The following SLC36A1 variants were observed in gnomAD, a reference collection of about 807,000 sequenced individuals.
The protein encoded by SLC36A1 is proton-coupled amino acid transporter 1.
In SLC36A1, 30 loss-of-function variants were observed where a neutral mutation model predicts 47.5. The ratio of observed to expected loss-of-function variants is 0.63; its 90% confidence interval spans 0.47 to 0.86. The LOEUF (loss-of-function observed/expected upper bound fraction) is 0.86. SLC36A1 is among the 40% of genes least tolerant of loss of function. The pLI is 0.00. For synonymous variants in SLC36A1, 255 were observed against 249.7 expected (o/e 1.02, Z -0.20); for missense variants, 517 against 606.0 (o/e 0.85, Z 1.54).
At chr5:151,388,310 G>C in the SLC36A1 span, among the ~76,000 whole-genome samples, 1 of 151,792 alleles carries the variant, frequency 6.6e-6, no homozygotes, top group African/African-American at 2.4e-5. Flanking sequence ...AAGACCAGAC[G>C]GTCCAACATG....
At chr5:151,363,087 T>A in the SLC36A1 span, among the ~76,000 whole-genome samples, 1 of 152,334 alleles carries the variant, frequency 6.6e-6, no homozygotes, top group East Asian at 1.9e-4. Flanking sequence ...TGCTTAGAGA[T>A]TCTTTGTTAT....
In SLC36A1 at chr5:151,492,234, C is replaced by T. The variant is rs1175; in HGVS notation, c.*3980C>T. 0.17 allele frequency: 25,958 copies of T among 152,168 alleles called. 2,331 individuals are homozygous for T. Among genetic ancestry groups the T allele is most frequent in the Non-Finnish European group, 0.21 (14,091 of 68,006 alleles). The allele number at this position is 152,168 out of a possible 1,614,324, so 9.4% of individuals were successfully genotyped here. Reference sequence around the variant, plus strand: ...TAACTAGACAGTACTGTGTATGTTACGTGCCTGTGTGGATGTGCACTTCCA... The same window carrying T: ...TAACTAGACAGTACTGTGTATGTTATGTGCCTGTGTGGATGTGCACTTCCA... On this transcript the variant is annotated 3_prime_UTR_variant, in exon 11 of 11. Transcript: ENST00000243389.
At chr5:151,424,759 T>C in the SLC36A1 span, among the ~76,000 whole-genome samples, 1 of 151,082 alleles carries the variant, frequency 6.6e-6, no homozygotes, top group Admixed American at 6.6e-5. Context: ...ACAAAATTGT[T>C]TAATTTAATC....
chr5:151,370,456 C>A, the SLC36A1 span, among the ~76,000 whole-genome samples: 1 of 151,454 alleles, frequency 6.6e-6, no homozygotes, highest in Admixed American at 6.6e-5. Flanking sequence ...TTTACAGTTA[C>A]TACTAAAACT....
the SLC36A1 span, among the ~76,000 whole-genome samples, chr5:151,390,106 C>G: frequency 6.6e-6 from 1 of 152,212 alleles, no homozygotes; most frequent in Non-Finnish European, 1.5e-5. Flanking sequence ...GCCATTCTAA[C>G]TGATGTGAGA....
intron 1 of SLC36A1, among the ~76,000 whole-genome samples, chr5:151,456,565 C>T (rs999585827): frequency 7.9e-5 from 12 of 152,030 alleles, no homozygotes; most frequent in Admixed American, 4.6e-4. Flanking sequence ...TTTTTTCTCC[C>T]GGCCCTCTAG....
chr5:151,514,937 T>C, the SLC36A1 span, among the ~76,000 whole-genome samples: 4 of 152,244 alleles, frequency 2.6e-5, no homozygotes, highest in African/African-American at 9.6e-5. Flanking sequence ...ATTGCTCTAA[T>C]CTTTATTTTC....
At chr5:151,548,648 T>C in the SLC36A1 span, among the ~76,000 whole-genome samples, 2,879 of 152,208 alleles carry the variant, frequency 0.019, 41 homozygotes, top group Non-Finnish European at 0.029. Flanking sequence ...GCCAGGCTAA[T>C]TTTTGTATTT....
Position 151,488,402 on chromosome 5 carries a change from C to T in SLC36A1, c.*148C>T. The T allele has an allele frequency of 9.4e-7, 1 of 1,059,820 alleles. No homozygotes were observed. Among genetic ancestry groups the T allele is most frequent in the East Asian group, 2.6e-5 (1 of 38,496 alleles). The allele number at this position is 1,059,820 out of a possible 1,614,324, so 65.7% of individuals were successfully genotyped here. On this transcript the variant is annotated 3_prime_UTR_variant, in exon 11 of 11. Coordinates refer to ENST00000243389, the MANE Select transcript of SLC36A1 (RefSeq NM_078483.4). Reference sequence around the variant, plus strand: ...CTGCCTGGCACCTGGATACCCTGGGCCAGGTAACCTGAGGGCAGGGGAGAG... The same window carrying T: ...CTGCCTGGCACCTGGATACCCTGGGTCAGGTAACCTGAGGGCAGGGGAGAG...
At chr5:151,542,257 G>A in the SLC36A1 span, 2 of 1,542,090 alleles carry the variant, frequency 1.3e-6, no homozygotes, top group Non-Finnish European at 1.7e-6. Context: ...ACATTCCAGA[G>A]CCTGCAGTCC....
the SLC36A1 span, among the ~76,000 whole-genome samples, chr5:151,354,123 G>A: frequency 4.6e-4 from 70 of 152,228 alleles, no homozygotes; most frequent in African/African-American, 1.7e-3. Context: ...GGCCAACATG[G>A]TGAAACCCCG....
chr5:151,423,143 G>T, the SLC36A1 span, among the ~76,000 whole-genome samples: 1,666 of 152,298 alleles, frequency 0.011, 71 homozygotes, highest in East Asian at 0.14. Flanking sequence ...CCAAATGCTG[G>T]TGAGAATGTA....
chr5:151,449,873 CTG>C (rs1282466091), intron 1 of SLC36A1, among the ~76,000 whole-genome samples: 8 of 152,242 alleles, frequency 5.3e-5, no homozygotes, highest in African/African-American at 1.9e-4. Flanking sequence ...ACTCAAGAGT[CTG>C]TGACATTCTA....
chr5:151,369,377 TC>T, the SLC36A1 span, among the ~76,000 whole-genome samples: 2 of 152,116 alleles, frequency 1.3e-5, no homozygotes, highest in Non-Finnish European at 2.9e-5. Flanking sequence ...TGTCCAAAAA[TC>T]CCTCTAACAC....
Position 151,465,185 on chromosome 5 carries a change from CTTCCT to C in SLC36A1, c.419+20_419+24del. 1 of 1,606,146 alleles carries C rather than the reference CTTCCT, an allele frequency of 6.2e-7. No homozygotes were observed. The highest frequency in any genetic ancestry group is 8.5e-7 in the Non-Finnish European group (1 of 1,172,662). ...ACTGGGGAAGGTAACTGATTTCCTC[CTTCCT>C]TTCAACTGTGGCCTCCCAGTGTGAG... On this transcript the variant is annotated intron_variant, in intron 5 of 10. Coordinates refer to ENST00000243389, the MANE Select transcript of SLC36A1 (RefSeq NM_078483.4).
the SLC36A1 span, among the ~76,000 whole-genome samples, chr5:151,388,706 C>G: frequency 6.6e-6 from 1 of 152,002 alleles, no homozygotes. Flanking sequence ...TCAACACTTT[C>G]CTAATTGAAT....
chr5:151,505,708 T>C, the SLC36A1 span: 2 of 1,613,876 alleles, frequency 1.2e-6, no homozygotes, highest in African/African-American at 2.7e-5. Flanking sequence ...CCAGCTCGGC[T>C]GAGGCGCATA....
chr5:151,518,369 A>AT, the SLC36A1 span, among the ~76,000 whole-genome samples: 35,166 of 146,816 alleles, frequency 0.24, 5,079 homozygotes, highest in East Asian at 0.44. Flanking sequence ...AATAATAATA[A>AT]TAATAATTTT....
intron 1 of SLC36A1, among the ~76,000 whole-genome samples, chr5:151,454,709 GC>G (rs1334793940): frequency 6.0e-5 from 6 of 99,552 alleles, no homozygotes; most frequent in African/African-American, 2.8e-4. Context: ...CCATGTGACA[GC>G]TTTTTTTTTT....
Sources: gnomAD v4.1 joint callset for allele counts (sites outside exome capture counted in the v4.1 genomes callset) on GRCh38, gnomAD v4.1.1 for gene constraint, MANE v1.5 for transcripts, NCBI Gene and HGNC (gene_info 2026-07-23, HGNC 2026-07-21) for gene names.